The following NBEA variants were observed in gnomAD, a reference collection of about 807,000 sequenced individuals.
NBEA encodes lysosomal-trafficking regulator 2.
A neutral mutation model predicts 343.4 loss-of-function variants in NBEA; 44 were observed. That is an observed-to-expected ratio of 0.13 (90% CI 0.10 to 0.16). NBEA has a LOEUF of 0.16. Among genes scored for constraint, NBEA ranks in the 10% least tolerant of loss-of-function variants. The pLI, the probability that NBEA is intolerant of heterozygous loss-of-function variation, is 1.00. For synonymous variants in NBEA, 1,175 were observed against 1,238.7 expected (o/e 0.95, Z 1.08); for missense variants, 2,555 against 3,631.3 (o/e 0.70, Z 7.62).
intron 38 of NBEA, among the ~76,000 whole-genome samples, chr13:35,385,394 T>G (rs527704148): frequency 7.9e-5 from 12 of 152,308 alleles, no homozygotes; most frequent in Middle Eastern, 3.4e-3. Flanking sequence ...AATTAATATT[T>G]TATTTTATTT....
At chr13:35,188,364 C>T (rs562750881) in intron 30 of NBEA, among the ~76,000 whole-genome samples, 16 of 152,048 alleles carry the variant, frequency 1.1e-4, no homozygotes, top group African/African-American at 3.6e-4. Flanking sequence ...GCATTGATTC[C>T]GTCTCTGTAA....
At chr13:35,206,684 C>T (rs1361298485) in intron 31 of NBEA, among the ~76,000 whole-genome samples, 1 of 151,988 alleles carries the variant, frequency 6.6e-6, no homozygotes, top group Non-Finnish European at 1.5e-5. Context: ...ATTTATAATA[C>T]ACTTCATAAT....
intron 41 of NBEA, among the ~76,000 whole-genome samples, chr13:35,528,804 A>G (rs1328132959): frequency 6.6e-6 from 1 of 152,190 alleles, no homozygotes; most frequent in African/African-American, 2.4e-5. Context: ...ACTAAGTCAT[A>G]TCTTCTTATG....
chr13:35,478,673 G>A (rs1450314592), intron 41 of NBEA, among the ~76,000 whole-genome samples: 2 of 152,214 alleles, frequency 1.3e-5, no homozygotes, highest in Non-Finnish European at 2.9e-5. Context: ...GTCTGCCCAC[G>A]CACCCCTCAG....
chr13:35,409,258 C>T (rs1191483319), intron 38 of NBEA, among the ~76,000 whole-genome samples: 2 of 152,012 alleles, frequency 1.3e-5, no homozygotes, highest in Non-Finnish European at 2.9e-5. Context: ...AATGAAACAC[C>T]ACGTGTTCTC....
Position 35,098,391 on chromosome 13 carries a change from T to C in NBEA, c.1666T>C (p.Tyr556His). Residue 556 changes from tyrosine to histidine, a missense_variant, in exon 11 of 59, where the codon TAC becomes CAC. Tyr to His is a moderately conservative substitution (Grantham distance 83). Around this residue, in one of 21 missense-constraint regions of NBEA, gnomAD observed 360 missense variants for 519.1 expected, o/e 0.69. Transcript: ENST00000379939. ...LGGKGFLVIG[Y>H]LLEKSSRVHI... ...TGGAAAAGGCTTTTTAGTCATTGGCTACTTACTTGAAAAGGTAAGTGATAT... is the reference window on the plus strand; with the variant it reads ...TGGAAAAGGCTTTTTAGTCATTGGCCACTTACTTGAAAAGGTAAGTGATAT... The C allele has an allele frequency of 6.3e-7, 1 of 1,582,136 alleles. No individual in the cohort carries two copies. Among genetic ancestry groups the C allele is most frequent in the Non-Finnish European group, 8.6e-7 (1 of 1,161,998 alleles).
intron 10 of NBEA, among the ~76,000 whole-genome samples, chr13:35,089,384 G>A (rs1231570229): frequency 6.7e-6 from 1 of 149,378 alleles, no homozygotes; most frequent in African/African-American, 2.5e-5. Flanking sequence ...CAGTTAGAAT[G>A]GCAATCATTA....
chr13:35,280,328 AAG>A (rs1405550385), intron 34 of NBEA, among the ~76,000 whole-genome samples: 4 of 152,242 alleles, frequency 2.6e-5, no homozygotes, highest in African/African-American at 9.6e-5. Flanking sequence ...TCATGAGTAA[AAG>A]AAGATGTTTA....
chr13:35,281,398 G>A (rs1230064254), intron 34 of NBEA, among the ~76,000 whole-genome samples: 2 of 152,108 alleles, frequency 1.3e-5, no homozygotes, highest in African/African-American at 2.4e-5. Context: ...AAGGAACTTT[G>A]TGAAGTTTAG....
At chr13:35,320,827 A>C (rs779140530) in intron 36 of NBEA, among the ~76,000 whole-genome samples, 5 of 151,896 alleles carry the variant, frequency 3.3e-5, no homozygotes, top group Non-Finnish European at 7.4e-5. Context: ...TTGTCTTCAC[A>C]CTTTATTTCA....
intron 41 of NBEA, among the ~76,000 whole-genome samples, chr13:35,536,060 TA>T (rs768564433): frequency 4.2e-4 from 64 of 152,172 alleles, no homozygotes; most frequent in Non-Finnish European, 8.2e-4. Context: ...GAAAGAAAAA[TA>T]AATTCTCATG....
At chr13:35,133,165 T>C (rs1443960970) in intron 17 of NBEA, among the ~76,000 whole-genome samples, 2 of 151,952 alleles carry the variant, frequency 1.3e-5, no homozygotes, top group African/African-American at 4.8e-5. Flanking sequence ...GCAAATAAAT[T>C]AGAAAAAGAA....
intron 47 of NBEA, among the ~76,000 whole-genome samples, chr13:35,599,492 C>T (rs2153046973): frequency 6.6e-6 from 1 of 152,348 alleles, no homozygotes; most frequent in Non-Finnish European, 1.5e-5. Context: ...ATGGCTGGAA[C>T]AGCCAGGAAC....
intron 40 of NBEA, among the ~76,000 whole-genome samples, chr13:35,468,728 T>G (rs1335500027): frequency 6.6e-6 from 1 of 152,156 alleles, no homozygotes; most frequent in Non-Finnish European, 1.5e-5. Context: ...TTCTTGGTGG[T>G]CTTTGGCAAG....
intron 10 of NBEA, among the ~76,000 whole-genome samples, chr13:35,091,473 A>C (rs752229958): frequency 1.8e-4 from 27 of 152,124 alleles, no homozygotes; most frequent in South Asian, 4.1e-4. Context: ...AATGAAAGTC[A>C]TACAGATTAT....
chr13:35,000,865 T>G (rs749574728), intron 1 of NBEA, among the ~76,000 whole-genome samples: 1 of 152,138 alleles, frequency 6.6e-6, no homozygotes, highest in Non-Finnish European at 1.5e-5. Context: ...TTTTTTTACT[T>G]TCCTTTTTTG....
intron 34 of NBEA, among the ~76,000 whole-genome samples, chr13:35,256,746 G>C (rs1199984021): frequency 1.3e-5 from 2 of 152,212 alleles, no homozygotes; most frequent in African/African-American, 4.8e-5. Context: ...CGCCCAGCTA[G>C]GTCGTGACAA....
At position 35,566,959 on chromosome 13, in the gene NBEA, A is replaced by G; in HGVS notation, c.6977A>G (p.Asn2326Ser). The G allele has an allele frequency of 6.2e-7, 1 of 1,613,192 alleles. No homozygotes were observed. The highest frequency in any genetic ancestry group is 8.5e-7 in the Non-Finnish European group (1 of 1,179,310). ...CCAGTGTTTCCGTGGGTGTTAACCA[A>G]CTATGAATCAGAAGAGTTGGACCTG... Reference protein sequence around the residue: ...QYPVFPWVLTNYESEELDLTL... With the variant: ...QYPVFPWVLTSYESEELDLTL... Residue 2326 changes from asparagine (N) to serine (S), a missense_variant, in exon 45 of 59, where the codon AAC becomes AGC. Around this residue, in one of 21 missense-constraint regions of NBEA, gnomAD observed 156 missense variants for 185.8 expected, o/e 0.84. Transcript: ENST00000379939.
At chr13:34,944,636 A>G (rs938620987) in intron 1 of NBEA, among the ~76,000 whole-genome samples, 1 of 152,214 alleles carries the variant, frequency 6.6e-6, no homozygotes, top group African/African-American at 2.4e-5. Context: ...AATTTTAACT[A>G]GCTGCAAATA....
Sources: gnomAD v4.1 joint callset for allele counts (sites outside exome capture counted in the v4.1 genomes callset) on GRCh38, gnomAD v4.1.1 for gene constraint, gnomAD v4.1.1 regional missense constraint, MANE v1.5 for transcripts, NCBI Gene and HGNC (gene_info 2026-07-23, HGNC 2026-07-21) for gene names.